The following EBF1 variants were observed in gnomAD, a reference collection of about 807,000 sequenced individuals.
The protein encoded by EBF1 is EBF transcription factor 1.
A neutral mutation model predicts 68.4 loss-of-function variants in EBF1; 10 were observed. The ratio of observed to expected loss-of-function variants is 0.15; its 90% CI spans 0.09 to 0.25. The LOEUF (loss-of-function observed/expected upper bound fraction) is 0.25. Ranked by LOEUF, EBF1 falls within the 10% of genes least tolerant of loss-of-function variation. The pLI, the probability that EBF1 is intolerant of heterozygous loss-of-function variation, is 1.00. For synonymous variants in EBF1, 298 were observed against 299.8 expected (o/e 0.99, Z 0.06); for missense variants, 509 against 794.4 (o/e 0.64, Z 4.32).
intron 6 of EBF1, among the ~76,000 whole-genome samples, chr5:158,911,804 A>G (rs1806041497): frequency 6.6e-6 from 1 of 152,192 alleles, no homozygotes; most frequent in Non-Finnish European, 1.5e-5. Flanking sequence ...CCTACTTGGC[A>G]GCTAAAATGT....
chr5:159,078,499 C>A (rs1198351828), intron 5 of EBF1, among the ~76,000 whole-genome samples: 2 of 152,188 alleles, frequency 1.3e-5, no homozygotes, highest in Non-Finnish European at 1.5e-5. Flanking sequence ...GACCTTCATC[C>A]GTTCAAAGCA....
intron 10 of EBF1, among the ~76,000 whole-genome samples, chr5:158,734,958 A>C (rs1764867574): frequency 6.6e-6 from 1 of 152,146 alleles, no homozygotes; most frequent in Admixed American, 6.5e-5. Context: ...CCCAAATAGA[A>C]AAGCCTCAAT....
At chr5:158,762,413 C>T (rs1347499859) in intron 10 of EBF1, among the ~76,000 whole-genome samples, 1 of 152,190 alleles carries the variant, frequency 6.6e-6, no homozygotes, top group Admixed American at 6.5e-5. Context: ...TGGCTTTTCA[C>T]CAATAATTGA....
intron 12 of EBF1, 143 bp from the exon 13 acceptor site, chr5:158,713,290 AT>A (rs1759867550): frequency 2.8e-6 from 2 of 708,136 alleles, no homozygotes; most frequent in Admixed American, 4.3e-5. Flanking sequence ...AACCTGTTAT[AT>A]TAGTCTCACC....
chr5:158,872,862 G>A (rs1164919876), intron 6 of EBF1, among the ~76,000 whole-genome samples: 2 of 152,130 alleles, frequency 1.3e-5, no homozygotes, highest in African/African-American at 2.4e-5. Context: ...GTTACAATAT[G>A]CCAGGCACTG....
chr5:158,950,364 T>G (rs1815700703), intron 6 of EBF1, among the ~76,000 whole-genome samples: 2 of 152,220 alleles, frequency 1.3e-5, no homozygotes, highest in Admixed American at 6.5e-5. Flanking sequence ...TTCTTCACAC[T>G]GCCATTTATT....
chr5:158,860,011 T>C (rs562802577), intron 6 of EBF1, among the ~76,000 whole-genome samples: 50 of 152,342 alleles, frequency 3.3e-4, no homozygotes, highest in African/African-American at 1.2e-3. Flanking sequence ...TAAATGAACA[T>C]TAGTCTAATA....
At chr5:158,899,286 T>C (rs1353938899) in intron 6 of EBF1, among the ~76,000 whole-genome samples, 1 of 152,210 alleles carries the variant, frequency 6.6e-6, no homozygotes, top group Admixed American at 6.5e-5. Context: ...CCTAGATGTC[T>C]AATGATTTAG....
chr5:158,700,768 A>G (rs1756576530), intron 15 of EBF1, among the ~76,000 whole-genome samples: 1 of 152,200 alleles, frequency 6.6e-6, no homozygotes, highest in African/African-American at 2.4e-5. Context: ...AAATCATCCA[A>G]ATGTTGTTTT....
chr5:159,005,158 A>C (rs1763309847), intron 6 of EBF1, among the ~76,000 whole-genome samples: 1 of 152,220 alleles, frequency 6.6e-6, no homozygotes, highest in African/African-American at 2.4e-5. Context: ...GAAACAACCC[A>C]CAAGAGCAGT....
At chr5:158,832,432 T>C (rs1019173821) in intron 7 of EBF1, among the ~76,000 whole-genome samples, 1 of 152,236 alleles carries the variant, frequency 6.6e-6, no homozygotes, top group Non-Finnish European at 1.5e-5. Context: ...ATTCTGAAAC[T>C]ATCATTAGAG....
chr5:158,698,788 T>C lies in EBF1; in HGVS notation c.*323A>G, dbSNP rs1447224659. ...GTGTCCCTTGTATAGAGCTTTACGG[T>C]TTATAAAAGACAAATGATTGCAGAA... is the stretch of plus-strand genomic sequence containing the variant. On this transcript the variant is annotated 3_prime_UTR_variant, in exon 16 of 16. Transcript: ENST00000313708. 6.1e-5 allele frequency: 16 copies of C among 263,392 alleles called. No homozygotes were observed. In the East Asian group the frequency reaches 9.0e-4, roughly 15 times the overall value. The allele number at this position is 263,392 out of a possible 1,614,324, so 16.3% of individuals were successfully genotyped here.
intron 8 of EBF1, among the ~76,000 whole-genome samples, chr5:158,804,226 C>T (rs764409469): frequency 1.6e-4 from 25 of 151,840 alleles, no homozygotes; most frequent in Non-Finnish European, 2.9e-4. Context: ...CAATGTCCAT[C>T]TACATTAAGG....
intron 6 of EBF1, among the ~76,000 whole-genome samples, chr5:158,940,775 C>CCCCCCCCCCCCCCT (rs1813154782): frequency 2.3e-5 from 1 of 43,382 alleles, no homozygotes; most frequent in African/African-American, 5.8e-5. Context: ...CCCCCCCCCC[C>CCCCCCCCCCCCCCT]CCCCGCAGGT....
At chr5:159,068,458 C>T (rs1010337038) in intron 6 of EBF1, among the ~76,000 whole-genome samples, 1 of 151,910 alleles carries the variant, frequency 6.6e-6, no homozygotes, top group Non-Finnish European at 1.5e-5. Context: ...TATTGTTTTC[C>T]TATTATACAT....
intron 9 of EBF1, among the ~76,000 whole-genome samples, chr5:158,790,504 A>G (rs1391883800): frequency 6.6e-6 from 1 of 152,080 alleles, no homozygotes; most frequent in Non-Finnish European, 1.5e-5. Flanking sequence ...CCTTGGGGAA[A>G]AAAAAAAGAG....
At chr5:158,979,917 G>A (rs1349275977) in intron 6 of EBF1, among the ~76,000 whole-genome samples, 2 of 152,128 alleles carry the variant, frequency 1.3e-5, no homozygotes, top group African/African-American at 2.4e-5. Context: ...CCTTCCCTGC[G>A]TTCACTCTCT....
At position 159,073,484 on chromosome 5, in the gene EBF1, G is replaced by T. The variant is rs367918272; in HGVS notation, c.486-20C>A. 1 of 1,613,782 alleles carries T rather than the reference G, an allele frequency of 6.2e-7. No homozygotes were observed. Among genetic ancestry groups the T allele is most frequent in the East Asian group, 2.2e-5 (1 of 44,882 alleles). Reference sequence around the variant, plus strand: ...CAGCGGCTATGGAGCAAAAGCGAAAGGATTTAGTACAACCATTACAATGTA... The same window carrying T: ...CAGCGGCTATGGAGCAAAAGCGAAATGATTTAGTACAACCATTACAATGTA... On this transcript the variant is annotated intron_variant, in intron 5 of 15. Transcript: ENST00000313708.
At chr5:159,087,625 T>G (rs985255121) in intron 4 of EBF1, among the ~76,000 whole-genome samples, 4 of 152,036 alleles carry the variant, frequency 2.6e-5, no homozygotes, top group Admixed American at 1.3e-4. Flanking sequence ...CATGATGATA[T>G]TCAATGGATG....
Sources: gnomAD v4.1 joint callset for allele counts (sites outside exome capture counted in the v4.1 genomes callset) on GRCh38, gnomAD v4.1.1 for gene constraint, MANE v1.5 for transcripts, NCBI Gene and HGNC (gene_info 2026-07-23, HGNC 2026-07-21) for gene names.